KCNJ10: variants seen among roughly 807,000 people sequenced by gnomAD.
The protein encoded by KCNJ10 is ATP-sensitive inward rectifier potassium channel 10.
KCNJ10 carries 9 observed loss-of-function variants against 22.2 expected under a neutral mutation model. The observed-to-expected ratio is 0.40, with a 90% confidence interval of 0.24 to 0.71. The LOEUF is 0.71. Among genes scored for constraint, KCNJ10 ranks in the 30% least tolerant of loss-of-function variants. The pLI, the probability that KCNJ10 is intolerant of heterozygous loss-of-function variation, is 0.35. For missense variants in KCNJ10, 337 were observed against 482.7 expected, an observed-to-expected ratio of 0.70 and a Z score of 2.83; for synonymous variants, 184 against 187.3, an observed-to-expected ratio of 0.98 and a Z score of 0.15.
chr1:160,053,896 A>G (rs1313146184), intron 1 of KCNJ10, among the ~76,000 whole-genome samples: 1 of 152,118 alleles, frequency 6.6e-6, no homozygotes, highest in African/African-American at 2.4e-5. Context: ...TTTTCCAGTC[A>G]AGAGAGGGAG....
chr1:160,043,725 T>TGCAC (rs1233808641), intron 1 of KCNJ10, among the ~76,000 whole-genome samples: 1 of 152,258 alleles, frequency 6.6e-6, no homozygotes, highest in African/African-American at 2.4e-5. Flanking sequence ...CAGCTATGTC[T>TGCAC]GCACAGGCTC....
chr1:160,041,695 C>T lies in KCNJ10; in HGVS notation c.838G>A (p.Val280Met). 6.2e-7 allele frequency: 1 copy of T among 1,614,192 alleles called. No homozygotes were observed. Among genetic ancestry groups the T allele is most frequent in the South Asian group, 1.1e-5 (1 of 91,086 alleles). ...LRSGEGDFEL[V>M]LILSGTVEST... ...TCCACTGTCCCACTTAGGATCAGCACCAGCTCAAAGTCACCCTCACCACTG... is the reference window on the plus strand; with the variant it reads ...TCCACTGTCCCACTTAGGATCAGCATCAGCTCAAAGTCACCCTCACCACTG... The change falls in exon 2 of 2, where the codon GTG becomes ATG. Residue 280 changes from valine (V) to methionine (M), a missense_variant. By Grantham distance (21) the Val-to-Met change is conservative. Coordinates refer to ENST00000644903, the MANE Select transcript of KCNJ10 (RefSeq NM_002241.5). The surrounding 1 kb of genome is among the most constrained non-coding windows in gnomAD (Gnocchi z 4.4).
rs753707600 is a variant in KCNJ10, at chr1:160,040,525, G to A, written c.*868C>T. ...ACCTTTCCATGGGGCCTGGGTACTG[G>A]ACTCTTTTCAAAGGAACATATTGGC... On this transcript the variant is annotated 3_prime_UTR_variant, in exon 2 of 2. Coordinates refer to ENST00000644903, the MANE Select transcript of KCNJ10 (RefSeq NM_002241.5). 14 of 398,564 alleles carry A rather than the reference G, an allele frequency of 3.5e-5. No individual in the cohort carries two copies. Among genetic ancestry groups the A allele is most frequent in the Middle Eastern group, 6.2e-4 (1 of 1,610 alleles). 24.7% of individuals were successfully genotyped at this position (398,564 alleles called of 1,614,324 possible).
In KCNJ10 at chr1:160,041,449, T is replaced by G. The variant is rs756846428; in HGVS notation, c.1084A>C (p.Arg362=). ...CTGCCCTCCTTCTCAGCTTGCTCCC[T>G]TAATGACTCCTCCAACTTGAGCTTT... ...PEKLKLEESL[R]EQAEKEGSAL... Residue 362 remains arginine (R), a synonymous_variant, in exon 2 of 2, where the codon AGG becomes CGG. Transcript: ENST00000644903. The surrounding 1 kb of genome is among the most constrained non-coding windows in gnomAD (Gnocchi z 4.4). 2 of 1,614,112 alleles carry G rather than the reference T, an allele frequency of 1.2e-6. No homozygotes were observed. The highest frequency in any genetic ancestry group is 3.3e-5 in the Admixed American group (2 of 60,026).
At chr1:160,045,082 G>A (rs1648711921) in intron 1 of KCNJ10, among the ~76,000 whole-genome samples, 1 of 152,202 alleles carries the variant, frequency 6.6e-6, no homozygotes, top group African/African-American at 2.4e-5. Context: ...AAGTGCAACA[G>A]AGAACGTGTA....
Position 160,068,816 on chromosome 1 carries a change from C to G in KCNJ10, c.-1+1206G>C, listed in dbSNP as rs192515160. Reference sequence around the variant, plus strand: ...TCAGGATGAAACTAAATTGAACTCACTGGTGGCTGCCCACCCCTCCTGGGG... The same window carrying G: ...TCAGGATGAAACTAAATTGAACTCAGTGGTGGCTGCCCACCCCTCCTGGGG... On this transcript the variant is annotated intron_variant, in intron 1 of 1. Coordinates refer to ENST00000644903, the MANE Select transcript of KCNJ10 (RefSeq NM_002241.5). Among the ~76,000 whole-genome samples, 4 of 152,324 alleles carry G rather than the reference C, an allele frequency of 2.6e-5. No individual in the cohort carries two copies. The East Asian group carries it at 7.7e-4, about 29-fold the overall frequency.
chr1:160,041,501 G>A lies in KCNJ10; in HGVS notation c.1032C>T (p.Asp344=), dbSNP rs186165644. 1 of 1,614,152 alleles carries A rather than the reference G, an allele frequency of 6.2e-7. No individual in the cohort carries two copies. The highest frequency in any genetic ancestry group is 1.3e-5 in the African/African-American group (1 of 75,024). The part of the protein sequence containing the change: ...VKVASPSGLR[D]STVRYGDPEK... ...CAGGGTCTCCGTAGCGTACAGTGCTGTCACGGAGGCCACTAGGAGAGGCCA... is the reference window on the plus strand; with the variant it reads ...CAGGGTCTCCGTAGCGTACAGTGCTATCACGGAGGCCACTAGGAGAGGCCA... Residue 344 remains aspartate (D), a synonymous_variant, in exon 2 of 2, where the codon GAC becomes GAT. Coordinates refer to ENST00000644903, the MANE Select transcript of KCNJ10 (RefSeq NM_002241.5). This position sits in a 1 kb window ranked among gnomAD's most constrained non-coding sequence, Gnocchi z 4.4.
Position 160,068,647 on chromosome 1 carries a change from G to A in KCNJ10, c.-1+1375C>T, listed in dbSNP as rs1649381216. ...TCCCTGAAGAACCAGCTATGAGTCAGGATGCCTGGTTCCTTCCAAACTTGG... is the reference window on the plus strand; with the variant it reads ...TCCCTGAAGAACCAGCTATGAGTCAAGATGCCTGGTTCCTTCCAAACTTGG... On this transcript the variant is annotated intron_variant, in intron 1 of 1. Transcript: ENST00000644903. Among the ~76,000 whole-genome samples the A allele has an allele frequency of 2.0e-5, 3 of 152,178 alleles. No individual in the cohort carries two copies. The South Asian group carries it at 6.2e-4, about 31-fold the overall frequency.
intron 1 of KCNJ10, chr1:160,064,755 A>T (rs1428641978): frequency 6.6e-6 from 1 of 152,238 alleles, no homozygotes; most frequent in Non-Finnish European, 1.5e-5. Flanking sequence ...GGAGGTTTAG[A>T]CACGTGGAGA....
chr1:160,040,089 A>G lies in KCNJ10; in HGVS notation c.*1304T>C, dbSNP rs1424028143. Reference sequence around the variant, plus strand: ...GTCTCAGGAATGGCTGAGGGAAGCCATGGTTATTTGATCAGAAGGTATAAT... The same window carrying G: ...GTCTCAGGAATGGCTGAGGGAAGCCGTGGTTATTTGATCAGAAGGTATAAT... On this transcript the variant is annotated 3_prime_UTR_variant, in exon 2 of 2. Transcript: ENST00000644903. 6.4e-6 allele frequency: 1 copy of G among 155,486 alleles called. No homozygotes were observed. The highest frequency in any genetic ancestry group is 6.5e-5 in the Admixed American group (1 of 15,398). The allele number at this position is 155,486 out of a possible 1,614,324, so 9.6% of individuals were successfully genotyped here. A position where few individuals can be genotyped will look rare whatever the true frequency, so the allele number is the denominator to read the frequency against.
rs387906834 is a variant in KCNJ10 at position 160,042,340 on chromosome 1, G to T, written c.193C>A (p.Arg65Ser). Reference protein sequence around the residue: ...LWTTFIDMQWRYKLLLFSATF... With the variant: ...LWTTFIDMQWSYKLLLFSATF... ...GCAGAGAAGAGCAGAAGCTTGTAGCGCCACTGCATGTCAATGAAGGTTGTC... is the reference window on the plus strand; with the variant it reads ...GCAGAGAAGAGCAGAAGCTTGTAGCTCCACTGCATGTCAATGAAGGTTGTC... Residue 65 changes from arginine (R) to serine (S), a missense_variant, in exon 2 of 2, where the codon CGC becomes AGC. Coordinates refer to ENST00000644903, the MANE Select transcript of KCNJ10 (RefSeq NM_002241.5). 6.2e-7 allele frequency: 1 copy of T among 1,612,870 alleles called. No homozygotes were observed. The highest frequency in any genetic ancestry group is 1.3e-5 in the African/African-American group (1 of 74,896).
In KCNJ10 at chr1:160,057,057, G is replaced by A. The variant is rs376889890; in HGVS notation, c.-1+12965C>T. On this transcript the variant is annotated intron_variant, in intron 1 of 1. Transcript: ENST00000644903. Reference sequence around the variant, plus strand: ...TCACTTACTAGCTAGGGGAACTTCAGTCAATCTCTTAATCTCTCTAGAGCT... The same window carrying A: ...TCACTTACTAGCTAGGGGAACTTCAATCAATCTCTTAATCTCTCTAGAGCT... Among the ~76,000 whole-genome samples the A allele has an allele frequency of 6.5e-4, 99 of 152,268 alleles. 2 individuals carry two copies. The South Asian group carries it at 0.012, about 18-fold the overall frequency.
At chr1:160,069,513 G>A (rs567562392) in intron 1 of KCNJ10, among the ~76,000 whole-genome samples, 12 of 152,264 alleles carry the variant, frequency 7.9e-5, no homozygotes, top group African/African-American at 1.9e-4. Context: ...GAGCACACCA[G>A]GCTTTGGTGG....
chr1:160,048,440 A>G (rs1184548992), intron 1 of KCNJ10, among the ~76,000 whole-genome samples: 1 of 152,230 alleles, frequency 6.6e-6, no homozygotes, highest in East Asian at 1.9e-4. Flanking sequence ...GAGCTTTGTA[A>G]ATTGCTACAG....
intron 1 of KCNJ10, among the ~76,000 whole-genome samples, chr1:160,045,517 G>A (rs1291683888): frequency 6.6e-6 from 1 of 152,158 alleles, no homozygotes; most frequent in Non-Finnish European, 1.5e-5. Context: ...TAGCAAAGCA[G>A]TACAATATAA....
At chr1:160,063,740 G>A (rs1649254080) in intron 1 of KCNJ10, among the ~76,000 whole-genome samples, 2 of 152,192 alleles carry the variant, frequency 1.3e-5, no homozygotes, top group Non-Finnish European at 2.9e-5. Context: ...AACTTGCACA[G>A]GTCACTTTCC....
chr1:160,049,683 A>ATATATATATATATATT (rs1648843297), intron 1 of KCNJ10, among the ~76,000 whole-genome samples: 1 of 88,288 alleles, frequency 1.1e-5, no homozygotes, highest in Non-Finnish European at 2.1e-5. Flanking sequence ...ATTTATATAT[A>ATATATATATATATATT]TATATATATA....
At chr1:160,067,681 G>A (rs1649352597) in intron 1 of KCNJ10, among the ~76,000 whole-genome samples, 1 of 152,144 alleles carries the variant, frequency 6.6e-6, no homozygotes, top group Non-Finnish European at 1.5e-5. Flanking sequence ...TAAATAACCT[G>A]TGGCTGGAAA....
chr1:160,069,413 C>G (rs1649399581), intron 1 of KCNJ10, among the ~76,000 whole-genome samples: 1 of 152,134 alleles, frequency 6.6e-6, no homozygotes, highest in South Asian at 2.1e-4. Context: ...TGCGAAACAG[C>G]TGGGGTGAGG....
Sources: gnomAD v4.1 joint callset for allele counts (sites outside exome capture counted in the v4.1 genomes callset) on GRCh38, gnomAD v4.1.1 for gene constraint, Gnocchi (gnomAD v3.1) non-coding constraint, MANE v1.5 for transcripts, NCBI Gene and HGNC (gene_info 2026-07-23, HGNC 2026-07-21) for gene names.